The following USP40 variants were observed in gnomAD, a reference collection of about 807,000 sequenced individuals.
The protein encoded by USP40 is ubiquitin specific peptidase 40.
A neutral mutation model predicts 166.2 loss-of-function variants in USP40; 143 were observed. That is an observed-to-expected ratio of 0.86 (90% CI 0.75 to 0.99). USP40 has a LOEUF of 0.99. USP40 is among the 50% of genes least tolerant of loss of function. The pLI, the probability that USP40 is intolerant of heterozygous loss-of-function variation, is 0.00. For missense variants in USP40, 1,444 were observed against 1,479.7 expected (o/e 0.98, Z 0.40); for synonymous variants, 498 against 524.0 (o/e 0.95, Z 0.68).
chr2:233,499,920 A>G lies in USP40; in HGVS notation c.2614-5T>C, dbSNP rs760346226. ...CTTCAGCATTAACTTTAAACACTGTAAAGAAAAACAATGTCCAATGTTAGT... is the reference window on the plus strand; with the variant it reads ...CTTCAGCATTAACTTTAAACACTGTGAAGAAAAACAATGTCCAATGTTAGT... On this transcript the variant is annotated splice_polypyrimidine_tract_variant and splice_region_variant and intron_variant, in intron 21 of 31. Transcript: ENST00000678225. 4 of 1,611,414 alleles carry G rather than the reference A, an allele frequency of 2.5e-6. No homozygotes were observed. The highest frequency in any genetic ancestry group is 3.3e-5 in the Admixed American group (2 of 59,766).
Position 233,493,220 on chromosome 2 carries a change from G to A in USP40, c.2917+205C>T, listed in dbSNP as rs2065460458. On this transcript the variant is annotated intron_variant, in intron 25 of 31. Transcript: ENST00000678225. The surrounding 1 kb of genome is among the most constrained non-coding windows in gnomAD (Gnocchi z 4.7). ...AATAATAAACAACAAGATATATAGT[G>A]CTTTACAGAGGTTACAGAGCACGTA... 1 of 652,226 alleles carries A rather than the reference G, an allele frequency of 1.5e-6. No homozygotes were observed. The highest frequency in any genetic ancestry group is 2.6e-6 in the Non-Finnish European group (1 of 380,726). The allele number at this position is 652,226 out of a possible 1,614,324, so 40.4% of individuals were successfully genotyped here. A position where few individuals can be genotyped will look rare whatever the true frequency, so the allele number is the denominator to read the frequency against.
At chr2:233,531,293 C>T (rs10178357) in intron 11 of USP40, among the ~76,000 whole-genome samples, 120,388 of 152,076 alleles carry the variant, frequency 0.79, 47,728 homozygotes, top group East Asian at 0.87. Context: ...TTTACTGATA[C>T]AGCAAATTCT....
intron 17 of USP40, among the ~76,000 whole-genome samples, chr2:233,520,133 CTTTA>C: frequency 6.6e-6 from 1 of 152,200 alleles, no homozygotes; most frequent in Admixed American, 6.5e-5. Context: ...GTTTAAATGA[CTTTA>C]TTTTAGATTC....
intron 12 of USP40, 46 bp downstream of exon 12, chr2:233,529,385 T>C: frequency 6.7e-7 from 1 of 1,481,994 alleles, no homozygotes; most frequent in Non-Finnish European, 9.2e-7. Context: ...ATCAGATCTT[T>C]ATTCTCCGGA....
At chr2:233,557,630 A>G (rs144782285) in intron 4 of USP40, among the ~76,000 whole-genome samples, 15 of 152,248 alleles carry the variant, frequency 9.9e-5, no homozygotes, top group African/African-American at 3.6e-4. Flanking sequence ...GAGGAAGAGC[A>G]GCTGGGGGGA....
intron 6 of USP40, among the ~76,000 whole-genome samples, chr2:233,553,655 C>A (rs1428713298): frequency 1.3e-5 from 2 of 152,122 alleles, no homozygotes; most frequent in Non-Finnish European, 2.9e-5. Context: ...TCTCATTTCT[C>A]CTCTTATCAA....
In USP40 at chr2:233,489,463, G is replaced by A; in HGVS notation, c.3033C>T (p.Phe1011=). 6.2e-7 allele frequency: 1 copy of A among 1,606,330 alleles called. No individual in the cohort carries two copies. The highest frequency in any genetic ancestry group is 8.5e-7 in the Non-Finnish European group (1 of 1,176,536). Residue 1011 remains phenylalanine, a synonymous_variant, in exon 27 of 32, where the codon TTC becomes TTT. Transcript: ENST00000678225. ...CTGGGGACGGGACACCGAACTCCAG[G>A]AAAGGAGGCAAGGTCATGGCCTAGA... is the stretch of plus-strand genomic sequence containing the variant. The part of the protein sequence containing the change: ...LKSQAMTLPP[F]LEFGVPSPAH...
chr2:233,486,888 A>T lies in USP40; in HGVS notation c.3198-911T>A, dbSNP rs1293455296. ...AGCACAGTGCGGCCAGAGGACAGAA[A>T]GGGCATCGGCACAGATGCTGAAGTT... On this transcript the variant is annotated intron_variant, in intron 28 of 31. Transcript: ENST00000678225. This position sits in a 1 kb window ranked among gnomAD's most constrained non-coding sequence, Gnocchi z 4.0. Among the ~76,000 whole-genome samples, 2 of 152,154 alleles carry T rather than the reference A, an allele frequency of 1.3e-5. No individual in the cohort carries two copies. Among genetic ancestry groups the T allele is most frequent in the African/African-American group, 4.8e-5 (2 of 41,424 alleles).
chr2:233,487,149 A>G (rs1380917448), intron 28 of USP40, among the ~76,000 whole-genome samples: 2 of 152,230 alleles, frequency 1.3e-5, no homozygotes, highest in Non-Finnish European at 2.9e-5. Flanking sequence ...ATTCCAAGAG[A>G]GCTTTTCCTT....
chr2:233,477,280 G>C lies in USP40; in HGVS notation c.*112C>G. The C allele has an allele frequency of 1.0e-6, 1 of 959,832 alleles. No individual in the cohort carries two copies. The highest frequency in any genetic ancestry group is 1.6e-6 in the Non-Finnish European group (1 of 622,882). The allele number at this position is 959,832 out of a possible 1,614,324, so 59.5% of individuals were successfully genotyped here. ...GGAGCCGTCCCTGTGCTCAAAGGAA[G>C]CAGAGGATTTGGGATTGGAGGCGCC... On this transcript the variant is annotated 3_prime_UTR_variant, in exon 32 of 32. Coordinates refer to ENST00000678225, the MANE Select transcript of USP40 (RefSeq NM_001365479.2).
rs2971865 is a variant in USP40 at position 233,480,043 on chromosome 2, G to A, written c.3599+1160C>T. 0.17 allele frequency among the ~76,000 whole-genome samples: 25,660 copies of A among 151,958 alleles called. 2,416 individuals are homozygous for A. The highest frequency in any genetic ancestry group is 0.2 in the Non-Finnish European group (13,925 of 67,940). On this transcript the variant is annotated intron_variant, in intron 31 of 31. Transcript: ENST00000678225. This position sits in a 1 kb window ranked among gnomAD's most constrained non-coding sequence, Gnocchi z 4.5. Reference sequence around the variant, plus strand: ...CAAAGCAGCCAGTGATCATGTCAACGCGTCCCCCTTCACACCCTCCAGCAG... The same window carrying A: ...CAAAGCAGCCAGTGATCATGTCAACACGTCCCCCTTCACACCCTCCAGCAG...
At chr2:233,561,116 T>C in intron 3 of USP40, 1 of 1,547,952 alleles carries the variant, frequency 6.5e-7, no homozygotes, top group Non-Finnish European at 8.7e-7. Context: ...AAAAAAAATT[T>C]TCTGAATACG....
In USP40 at chr2:233,476,681, G is replaced by C. The variant is rs2064194160; in HGVS notation, c.*711C>G. On this transcript the variant is annotated 3_prime_UTR_variant, in exon 32 of 32. Coordinates refer to ENST00000678225, the MANE Select transcript of USP40 (RefSeq NM_001365479.2). The stretch of plus-strand genomic sequence containing the variant: ...GGGATCCAAGGACCTTCTGATCACA[G>C]AGCACCCAGGATAAGCTGGACCCTT... The C allele has an allele frequency of 1.3e-5, 2 of 154,172 alleles. No homozygotes were observed. The highest frequency in any genetic ancestry group is 1.3e-4 in the Admixed American group (2 of 15,710). 9.6% of individuals were successfully genotyped at this position (154,172 alleles called of 1,614,324 possible). A position where few individuals can be genotyped will look rare whatever the true frequency, so the allele number is the denominator to read the frequency against.
chr2:233,485,597 TTTC>T lies in USP40; in HGVS notation c.3435_3437del (p.Lys1148del). 1.2e-6 allele frequency: 2 copies of T among 1,613,944 alleles called. No individual in the cohort carries two copies. On this transcript the variant is annotated inframe_deletion, in exon 30 of 32. Coordinates refer to ENST00000678225, the MANE Select transcript of USP40 (RefSeq NM_001365479.2). ...CCCCTTGCAAATAATCTTGTTTTTTTTTCTTTTTCCTCTTGGTTATTTGTTGGT... is the reference window on the plus strand; with the variant it reads ...CCCCTTGCAAATAATCTTGTTTTTTTTTTTTCCTCTTGGTTATTTGTTGGT...
chr2:233,542,220 C>T (rs1488800249), intron 9 of USP40, 48 bp downstream of exon 9: 3 of 1,142,236 alleles, frequency 2.6e-6, no homozygotes, highest in Admixed American at 4.6e-5. Flanking sequence ...TGCACACATA[C>T]ACACAATACA....
chr2:233,532,886 G>A (rs1260562310), intron 11 of USP40, among the ~76,000 whole-genome samples: 1 of 152,030 alleles, frequency 6.6e-6, no homozygotes, highest in Non-Finnish European at 1.5e-5. Context: ...GAACAATCAT[G>A]CCACTGCACT....
chr2:233,510,480 G>A (rs1331414526), intron 20 of USP40, among the ~76,000 whole-genome samples: 1 of 128,356 alleles, frequency 7.8e-6, no homozygotes, highest in Admixed American at 9.9e-5. Flanking sequence ...TTGGCTCACT[G>A]CAACCTCTGC....
At chr2:233,481,335 C>A (rs1402622629) in intron 30 of USP40, 38 bp from the exon 31 acceptor site, 12 of 1,539,680 alleles carry the variant, frequency 7.8e-6, no homozygotes, top group Non-Finnish European at 1.1e-5. Context: ...TGTTTTCTGA[C>A]ATCTTTTTAG....
In USP40 at chr2:233,508,041, AT is replaced by A. The variant is rs1464967591; in HGVS notation, c.2613+2007del. On this transcript the variant is annotated intron_variant, in intron 21 of 31. Coordinates refer to ENST00000678225, the MANE Select transcript of USP40 (RefSeq NM_001365479.2). ...TTGGGATCAGGGATGCTCAACTCAT[AT>A]TGCCATGGCCAGTTTTATGTGTCAA... Among the ~76,000 whole-genome samples, 9 of 152,232 alleles carry A rather than the reference AT, an allele frequency of 5.9e-5. No homozygotes were observed. In the East Asian group the frequency reaches 1.7e-3, roughly 29 times the overall value.
Sources: allele counts gnomAD v4.1 joint callset (sites outside exome capture counted in the v4.1 genomes callset), GRCh38; gene constraint gnomAD v4.1.1; non-coding constraint Gnocchi (gnomAD v3.1); transcripts MANE v1.5; gene names NCBI Gene and HGNC (gene_info 2026-07-23, HGNC 2026-07-21).